UBR1: variants seen among roughly 807,000 people sequenced by gnomAD.
UBR1 encodes E3 ubiquitin-protein ligase UBR1.
A neutral mutation model predicts 242.1 loss-of-function variants in UBR1; 102 were observed. The observed-to-expected ratio is 0.42, with a 90% CI of 0.36 to 0.50. UBR1 has a LOEUF of 0.50. UBR1 is among the 20% of genes least tolerant of loss of function. The pLI is 0.01. For synonymous variants in UBR1, 675 were observed against 684.8 expected (o/e 0.99, Z 0.22); for missense variants, 1,772 against 2,101.8 (o/e 0.84, Z 3.07).
At chr15:42,957,302 T>C (rs145451757) in intron 44 of UBR1, among the ~76,000 whole-genome samples, 93 of 152,256 alleles carry the variant, frequency 6.1e-4, no homozygotes, top group African/African-American at 2.2e-3. Context: ...TCCTTTCATA[T>C]AATATATCCA....
chr15:42,974,123 C>T (rs1168048353), intron 39 of UBR1, among the ~76,000 whole-genome samples: 3 of 152,068 alleles, frequency 2.0e-5, no homozygotes, highest in African/African-American at 4.8e-5. Flanking sequence ...CTCCTGACCT[C>T]GTGATCTACA....
intron 32 of UBR1, 135 bp from the exon 33 acceptor site, chr15:42,998,400 G>A: frequency 1.3e-6 from 1 of 786,706 alleles, no homozygotes; most frequent in Non-Finnish European, 2.1e-6. Flanking sequence ...CTAGGTCACA[G>A]AAACATGTGT....
intron 3 of UBR1, among the ~76,000 whole-genome samples, chr15:43,082,130 ACT>A (rs143746957): frequency 0.12 from 18,750 of 152,012 alleles, 1,305 homozygotes; most frequent in South Asian, 0.24. Context: ...GCAGAAATAC[ACT>A]CTTTTTATAG....
chr15:43,082,607 T>G, intron 3 of UBR1, 31 bp downstream of exon 3: 1 of 1,586,390 alleles, frequency 6.3e-7, no homozygotes, highest in South Asian at 1.1e-5. Context: ...AGATTCCTGC[T>G]TATTCAGAGG....
At chr15:43,044,824 GGCGGAGGTT>G (rs1292531223) in intron 14 of UBR1, among the ~76,000 whole-genome samples, 1 of 152,164 alleles carries the variant, frequency 6.6e-6, no homozygotes, top group African/African-American at 2.4e-5. Flanking sequence ...GAACCCAGGA[GGCGGAGGTT>G]GCAGTGAGCC....
intron 15 of UBR1, among the ~76,000 whole-genome samples, chr15:43,040,678 T>C (rs2033406205): frequency 6.6e-6 from 1 of 151,820 alleles, no homozygotes. Flanking sequence ...TGGGAGAAAA[T>C]TTTTGCAATC....
chr15:43,100,758 C>G (rs2034222686), intron 1 of UBR1, among the ~76,000 whole-genome samples: 1 of 152,196 alleles, frequency 6.6e-6, no homozygotes, highest in African/African-American at 2.4e-5. Context: ...TCGCTTGAAT[C>G]CGGGAGGCGG....
chr15:43,033,578 C>T (rs980202261), intron 19 of UBR1, among the ~76,000 whole-genome samples: 3 of 152,222 alleles, frequency 2.0e-5, no homozygotes, highest in South Asian at 2.1e-4. Context: ...CCCTTGAATC[C>T]GGGAGGCAGA....
At chr15:43,057,747 C>G (rs1170064702) in intron 10 of UBR1, among the ~76,000 whole-genome samples, 1 of 152,098 alleles carries the variant, frequency 6.6e-6, no homozygotes, top group African/African-American at 2.4e-5. Flanking sequence ...ATTTTACTAA[C>G]AGGCAAATAA....
intron 33 of UBR1, 73 bp from the exon 34 acceptor site, chr15:42,990,193 A>T: frequency 8.9e-7 from 1 of 1,117,908 alleles, no homozygotes; most frequent in Admixed American, 2.0e-5. Context: ...TCTAGCATTT[A>T]TTTATTTATT....
At chr15:42,984,525 G>T (rs1309233060) in intron 36 of UBR1, among the ~76,000 whole-genome samples, 1 of 152,124 alleles carries the variant, frequency 6.6e-6, no homozygotes, top group Non-Finnish European at 1.5e-5. Context: ...AATTCAGTAT[G>T]ATGATTCATC....
intron 1 of UBR1, among the ~76,000 whole-genome samples, chr15:43,100,049 G>T (rs2034211456): frequency 2.0e-5 from 3 of 151,994 alleles, no homozygotes; most frequent in South Asian, 4.1e-4. Flanking sequence ...CTAATTTTTT[G>T]TATTTTTAGT....
intron 1 of UBR1, among the ~76,000 whole-genome samples, chr15:43,086,847 A>C (rs2034041931): frequency 2.6e-5 from 4 of 152,204 alleles, no homozygotes; most frequent in Non-Finnish European, 5.9e-5. Context: ...AAAAACTGGC[A>C]ATATCAAATG....
chr15:43,043,474 T>C (rs1201194701), intron 14 of UBR1, 79 bp from the exon 15 acceptor site: 4 of 1,368,784 alleles, frequency 2.9e-6, no homozygotes, highest in Non-Finnish European at 4.1e-6. Context: ...AGACAGCCTG[T>C]CCTGTGGCCT....
intron 29 of UBR1, among the ~76,000 whole-genome samples, chr15:43,014,517 AGC>A (rs902879635): frequency 6.8e-6 from 1 of 146,008 alleles, no homozygotes; most frequent in Non-Finnish European, 1.5e-5. Flanking sequence ...AGATGTGGGG[AGC>A]GCCTCTGCCC....
intron 3 of UBR1, among the ~76,000 whole-genome samples, chr15:43,076,473 C>T (rs1386382500): frequency 2.7e-5 from 4 of 149,874 alleles, no homozygotes; most frequent in Middle Eastern, 3.5e-3. Context: ...GCCTCTTCCC[C>T]GCCGCCATCC....
At chr15:43,062,989 T>C (rs1596125793) in intron 6 of UBR1, among the ~76,000 whole-genome samples, 1 of 152,296 alleles carries the variant, frequency 6.6e-6, no homozygotes, top group East Asian at 1.9e-4. Flanking sequence ...CAAGTGTGTA[T>C]CTTTAAGGGT....
intron 28 of UBR1, among the ~76,000 whole-genome samples, chr15:43,016,618 C>G (rs947490251): frequency 2.0e-5 from 3 of 152,094 alleles, no homozygotes; most frequent in Non-Finnish European, 4.4e-5. Flanking sequence ...GCTCTGTCAC[C>G]CTGGCTGGAA....
intron 41 of UBR1, 27 bp downstream of exon 41, chr15:42,966,126 A>G (rs1190252061): frequency 4.3e-6 from 7 of 1,613,912 alleles, no homozygotes; most frequent in Non-Finnish European, 5.9e-6. Context: ...CCCATTTTCC[A>G]CTCCATGATT....
Sources: allele counts gnomAD v4.1 joint callset (sites outside exome capture counted in the v4.1 genomes callset), GRCh38; gene constraint gnomAD v4.1.1; transcripts MANE v1.5; gene names NCBI Gene and HGNC (gene_info 2026-07-23, HGNC 2026-07-21).